The following DSTYK variants were observed in gnomAD, a reference collection of about 807,000 sequenced individuals.
DSTYK encodes the protein RIP-homologous kinase.
Under a neutral mutation model 98.7 loss-of-function variants are expected in DSTYK, and 34 were observed. The observed-to-expected ratio is 0.34, with a 90% CI of 0.26 to 0.46. The LOEUF (loss-of-function observed/expected upper bound fraction) is 0.46. Ranked by LOEUF, DSTYK falls within the 20% of genes least tolerant of loss-of-function variation. DSTYK has a pLI of 1.00. For synonymous variants in DSTYK, 462 were observed against 457.3 expected (o/e 1.01, Z -0.13); for missense variants, 962 against 1,181.7 (o/e 0.81, Z 2.73).
intron 6 of DSTYK, 85 bp from the exon 7 acceptor site, chr1:205,161,472 C>T (rs1657717842): frequency 1.5e-6 from 2 of 1,317,772 alleles, no homozygotes; most frequent in South Asian, 1.4e-5. Flanking sequence ...ATAATATCTA[C>T]TTCATATAGA....
At chr1:205,188,178 C>T (rs1423381115) in intron 1 of DSTYK, among the ~76,000 whole-genome samples, 1 of 152,156 alleles carries the variant, frequency 6.6e-6, no homozygotes, top group African/African-American at 2.4e-5. Flanking sequence ...CAGAAAAAAA[C>T]TACACTAGTT....
At chr1:205,174,755 T>TTTA (rs756185487) in intron 2 of DSTYK, among the ~76,000 whole-genome samples, 2 of 149,768 alleles carry the variant, frequency 1.3e-5, no homozygotes, top group Non-Finnish European at 3.0e-5. Flanking sequence ...TTTTTTTTTT[T>TTTA]GAGACGGAGT....
rs977751611 is a variant in DSTYK, at chr1:205,171,047, A to C, written c.655-1215T>G. On this transcript the variant is annotated intron_variant, in intron 2 of 12. Transcript: ENST00000367162. ...CATGTAAGGAAAAAAAAAAAAACCC[A>C]AAAACTCTATCTTTAAGTTCCTGGT... Among the ~76,000 whole-genome samples the C allele has an allele frequency of 5.4e-5, 8 of 148,004 alleles. No individual in the cohort carries two copies. The South Asian group carries it at 6.5e-4, about 12-fold the overall frequency.
At chr1:205,210,944 G>C (rs1400786334) in intron 1 of DSTYK, among the ~76,000 whole-genome samples, 1 of 152,140 alleles carries the variant, frequency 6.6e-6, no homozygotes, top group Non-Finnish European at 1.5e-5. Context: ...CCCACTCCTC[G>C]GATTAACTGC....
rs2102365738 is a variant in DSTYK at position 205,144,639 on chromosome 1, A to C, written c.*2919T>G. ...TGCTGAGTATTTAAATAACATCCCC[A>C]AATATCCATATGTGGACTTTGGCTG... On this transcript the variant is annotated 3_prime_UTR_variant, in exon 13 of 13. Coordinates refer to ENST00000367162, the MANE Select transcript of DSTYK (RefSeq NM_015375.3). 1 of 152,652 alleles carries C rather than the reference A, an allele frequency of 6.6e-6. No individual in the cohort carries two copies. Among genetic ancestry groups the C allele is most frequent in the South Asian group, 2.1e-4 (1 of 4,834 alleles). 9.5% of individuals were successfully genotyped at this position (152,652 alleles called of 1,614,324 possible). A position where few individuals can be genotyped will look rare whatever the true frequency, so the allele number is the denominator to read the frequency against.
Position 205,185,868 on chromosome 1 carries a change from C to A in DSTYK, c.654+1550G>T, listed in dbSNP as rs184287084. 5.1e-4 allele frequency among the ~76,000 whole-genome samples: 77 copies of A among 151,938 alleles called. 2 individuals carry two copies. The East Asian group carries it at 0.012, about 24-fold the overall frequency. On this transcript the variant is annotated intron_variant, in intron 2 of 12. Transcript: ENST00000367162. The stretch of plus-strand genomic sequence containing the variant: ...TGAAACCCTGTCTCTACTAAAATTA[C>A]AAAAATTAGCCAGGTGTGGTGGCGG...
intron 1 of DSTYK, among the ~76,000 whole-genome samples, chr1:205,203,553 G>C (rs1258484944): frequency 1.8e-5 from 1 of 54,338 alleles, no homozygotes; most frequent in Non-Finnish European, 3.4e-5. Context: ...GGGAAGGGGA[G>C]GGGAGGGGAG....
At chr1:205,178,849 T>C (rs2102432080) in intron 2 of DSTYK, among the ~76,000 whole-genome samples, 1 of 152,228 alleles carries the variant, frequency 6.6e-6, no homozygotes, top group African/African-American at 2.4e-5. Flanking sequence ...AGATAGGAAT[T>C]ATAGGCCGGG....
intron 1 of DSTYK, among the ~76,000 whole-genome samples, chr1:205,199,989 T>C (rs572158440): frequency 6.2e-4 from 95 of 152,016 alleles, no homozygotes; most frequent in African/African-American, 2.2e-3. Context: ...AAAGAGAAAA[T>C]AGGCTGATTT....
At chr1:205,164,425 A>C (rs1198488009) in intron 3 of DSTYK, among the ~76,000 whole-genome samples, 1 of 151,824 alleles carries the variant, frequency 6.6e-6, no homozygotes, top group African/African-American at 2.4e-5. Context: ...AAAATAAATA[A>C]GAAGCAATAA....
intron 3 of DSTYK, 49 bp from the exon 4 acceptor site, chr1:205,164,004 G>T: frequency 6.7e-7 from 1 of 1,499,590 alleles, no homozygotes; most frequent in Non-Finnish European, 9.3e-7. Flanking sequence ...AGAAGGGGCA[G>T]ACACACTAAA....
rs1183027458 is a variant in DSTYK at position 205,145,518 on chromosome 1, G to GTTTTTTT, written c.*2039_*2040insAAAAAAA. The stretch of plus-strand genomic sequence containing the variant: ...AGCAGCAGATGTGCGACTCATCTTT[G>GTTTTTTT]TTTTTTGTTTTTTTTTTTGTTTTTT... On this transcript the variant is annotated 3_prime_UTR_variant, in exon 13 of 13. Transcript: ENST00000367162. 1.3e-5 allele frequency: 1 copy of GTTTTTTT among 78,064 alleles called. No individual in the cohort carries two copies. The highest frequency in any genetic ancestry group is 3.1e-5 in the Non-Finnish European group (1 of 32,688). The allele number at this position is 78,064 out of a possible 1,614,324, so 4.8% of individuals were successfully genotyped here. A position where few individuals can be genotyped will look rare whatever the true frequency, so the allele number is the denominator to read the frequency against.
chr1:205,210,851 C>T (rs1275745568), intron 1 of DSTYK, among the ~76,000 whole-genome samples: 1 of 152,252 alleles, frequency 6.6e-6, no homozygotes, highest in Non-Finnish European at 1.5e-5. Flanking sequence ...TCCCGGGACT[C>T]GCTGCCGCCT....
Position 205,211,258 on chromosome 1 carries a change from C to T in DSTYK, c.265+13G>A. Reference sequence around the variant, plus strand: ...CTCTCCTGCCCTCTCTCCCTCCGGGCTGCCCTCCTTACCCGCCTGCAGCCC... The same window carrying T: ...CTCTCCTGCCCTCTCTCCCTCCGGGTTGCCCTCCTTACCCGCCTGCAGCCC... On this transcript the variant is annotated intron_variant, in intron 1 of 12. Transcript: ENST00000367162. 1 of 1,594,676 alleles carries T rather than the reference C, an allele frequency of 6.3e-7. No homozygotes were observed.
intron 3 of DSTYK, among the ~76,000 whole-genome samples, chr1:205,167,450 ATT>A (rs888457769): frequency 6.6e-6 from 1 of 152,270 alleles, no homozygotes; most frequent in Admixed American, 6.5e-5. Flanking sequence ...GAAAAATGGC[ATT>A]TGGGAGACAG....
rs962511873 is a variant in DSTYK, at chr1:205,163,950, T to C, written c.1330A>G (p.Ile444Val). Residue 444 changes from isoleucine (I) to valine (V), a missense_variant, in exon 4 of 13, where the codon ATT becomes GTT. This residue lies in a region of DSTYK where 660 missense variants were observed against 855.0 expected (regional missense o/e 0.77). Coordinates refer to ENST00000367162, the MANE Select transcript of DSTYK (RefSeq NM_015375.3). ...ACTGGTTCTCCATTCTCAGGGACAA[T>C]GACGTCTATGGAGGCAGAGAAATAA... Reference protein sequence around the residue: ...DATNMEFKDVIVPENGEPVGT... With the variant: ...DATNMEFKDVVVPENGEPVGT... 3 of 1,613,832 alleles carry C rather than the reference T, an allele frequency of 1.9e-6. No individual in the cohort carries two copies. The highest frequency in any genetic ancestry group is 2.5e-6 in the Non-Finnish European group (3 of 1,179,802).
intron 7 of DSTYK, 142 bp from the exon 8 acceptor site, chr1:205,160,412 T>C: frequency 2.7e-6 from 2 of 751,502 alleles, no homozygotes; most frequent in Non-Finnish European, 4.3e-6. Context: ...CTCTGCTCAC[T>C]GCAACCTCTG....
At chr1:205,166,410 G>C (rs901307792) in intron 3 of DSTYK, among the ~76,000 whole-genome samples, 10 of 151,714 alleles carry the variant, frequency 6.6e-5, no homozygotes, top group African/African-American at 2.4e-4. Flanking sequence ...CTAGCACTTT[G>C]TGGGGGCTGA....
chr1:205,173,728 T>C (rs1294662244), intron 2 of DSTYK, among the ~76,000 whole-genome samples: 2 of 152,110 alleles, frequency 1.3e-5, no homozygotes, highest in Non-Finnish European at 2.9e-5. Context: ...CGGTTGTTTT[T>C]TTTTTTTTGA....
Sources: gnomAD v4.1 joint callset for allele counts (sites outside exome capture counted in the v4.1 genomes callset) on GRCh38, gnomAD v4.1.1 for gene constraint, gnomAD v4.1.1 regional missense constraint, MANE v1.5 for transcripts, NCBI Gene and HGNC (gene_info 2026-07-23, HGNC 2026-07-21) for gene names.